Variants in CLCN3 observed in about 807,000 individuals in gnomAD.
The protein encoded by CLCN3 is Cl-/H+ antiporter 3, also known as H(+)/Cl(-) exchange transporter 3.
Under a neutral mutation model 83.4 loss-of-function variants are expected in CLCN3, and 16 were observed. That is an observed-to-expected ratio of 0.19 (90% CI 0.13 to 0.29). The LOEUF is 0.29. Ranked by LOEUF, CLCN3 falls within the 10% of genes least tolerant of loss-of-function variation. The pLI, the probability that CLCN3 is intolerant of heterozygous loss-of-function variation, is 1.00. For missense variants in CLCN3, 544 were observed against 1,006.0 expected, an observed-to-expected ratio of 0.54 and a Z score of 6.21; for synonymous variants, 322 against 346.2, an observed-to-expected ratio of 0.93 and a Z score of 0.78.
intron 9 of CLCN3, among the ~76,000 whole-genome samples, chr4:169,701,216 C>T (rs919498970): frequency 6.6e-6 from 1 of 152,200 alleles, no homozygotes. Flanking sequence ...CTGGATTCTA[C>T]CTCAAGAAAC....
rs1273066699 is a variant in CLCN3, at chr4:169,682,890, AG to A, written c.318+2685del. 5.3e-5 allele frequency among the ~76,000 whole-genome samples: 8 copies of A among 152,320 alleles called. No homozygotes were observed. The East Asian group carries it at 1.5e-3, about 29-fold the overall frequency. On this transcript the variant is annotated intron_variant, in intron 3 of 12. Coordinates refer to ENST00000513761, the MANE Select transcript of CLCN3 (RefSeq NM_001829.4). ...AGTAAAAATGTCAACACAGTGAAAA[AG>A]GCACATAATGTCTTGTATTATTTTG...
rs562963748 is a variant in CLCN3, at chr4:169,690,393, G to A, written c.607-137G>A. On this transcript the variant is annotated intron_variant, in intron 5 of 12. Coordinates refer to ENST00000513761, the MANE Select transcript of CLCN3 (RefSeq NM_001829.4). ...ACTCCTGACCTCAGGTGATCCACCC[G>A]CCTCAACCTCCCCAGTGCTGGGATT... 4,923 of 802,008 alleles carry A rather than the reference G, an allele frequency of 6.1e-3. 92 individuals carry two copies. The highest frequency in any genetic ancestry group is 0.039 in the South Asian group (2,007 of 51,974). 49.7% of individuals were successfully genotyped at this position (802,008 alleles called of 1,614,324 possible).
chr4:169,717,851 A>C lies in CLCN3; in HGVS notation c.2367-2056A>C. On this transcript the variant is annotated intron_variant, in intron 12 of 12. Transcript: ENST00000513761. ...TTAGAGCATCTCGAGCAACTAAAGCAGCACGTCGAACCCTTGGTGATTAGA... is the reference window on the plus strand; with the variant it reads ...TTAGAGCATCTCGAGCAACTAAAGCCGCACGTCGAACCCTTGGTGATTAGA... The C allele has an allele frequency of 1.2e-6, 2 of 1,612,176 alleles. No homozygotes were observed. The highest frequency in any genetic ancestry group is 1.7e-4 in the Middle Eastern group (1 of 6,060).
chr4:169,709,191 T>C (rs1048435390), intron 11 of CLCN3, among the ~76,000 whole-genome samples: 1 of 149,898 alleles, frequency 6.7e-6, no homozygotes, highest in Non-Finnish European at 1.5e-5. Context: ...ATACATATAA[T>C]TGATATATAT....
chr4:169,706,317 A>G (rs535058165), intron 10 of CLCN3, among the ~76,000 whole-genome samples: 1 of 152,186 alleles, frequency 6.6e-6, no homozygotes, highest in African/African-American at 2.4e-5. Context: ...GGCATGAGCC[A>G]CAGTGCCTGG....
intron 2 of CLCN3, among the ~76,000 whole-genome samples, chr4:169,647,936 G>A (rs1730621846): frequency 6.6e-6 from 1 of 152,208 alleles, no homozygotes; most frequent in African/African-American, 2.4e-5. Flanking sequence ...CTCTTGATAT[G>A]TGACAAGAAG....
At chr4:169,691,953 G>A (rs896236710) in intron 6 of CLCN3, among the ~76,000 whole-genome samples, 161 bp from the exon 7 acceptor site, 16 of 152,096 alleles carry the variant, frequency 1.1e-4, no homozygotes, top group Non-Finnish European at 5.9e-5. Context: ...ATTATATGTA[G>A]CATAATAGGC....
chr4:169,697,858 A>T (rs1732627321), intron 9 of CLCN3, 124 bp downstream of exon 9: 17 of 688,082 alleles, frequency 2.5e-5, no homozygotes, highest in Non-Finnish European at 4.2e-5. Context: ...GTTTAATTTT[A>T]AGTAATGAAA....
In CLCN3 at chr4:169,713,302, C is replaced by G; in HGVS notation, c.2366+7C>G. On this transcript the variant is annotated splice_region_variant and intron_variant, in intron 12 of 12. Transcript: ENST00000513761. ...GCCTTGTAACTCACAATGGGTAAGT[C>G]TGGTACCACAGGAATCAGTTCACTT... 6.3e-7 allele frequency: 1 copy of G among 1,595,296 alleles called. No homozygotes were observed. The highest frequency in any genetic ancestry group is 1.7e-5 in the Admixed American group (1 of 59,982).
rs1391005226 is a variant in CLCN3, at chr4:169,620,799, C to CT, written c.-280dup. The CT allele has an allele frequency of 2.5e-6, 1 of 398,552 alleles. No homozygotes were observed. Among genetic ancestry groups the CT allele is most frequent in the Admixed American group, 4.4e-5 (1 of 22,716 alleles). 24.7% of individuals were successfully genotyped at this position (398,552 alleles called of 1,614,324 possible). A position where few individuals can be genotyped will look rare whatever the true frequency, so the allele number is the denominator to read the frequency against. On this transcript the variant is annotated 5_prime_UTR_variant, in exon 1 of 13. Transcript: ENST00000513761. ...TTAATTTTGGGCAGAAGCAGGTTGA[C>CT]TCTAGGGATCTCCAGAGCGAGAGGA...
At chr4:169,691,738 A>T (rs1233362480) in intron 6 of CLCN3, among the ~76,000 whole-genome samples, 1 of 152,224 alleles carries the variant, frequency 6.6e-6, no homozygotes, top group Non-Finnish European at 1.5e-5. Flanking sequence ...TATTTCTAAC[A>T]TAATGTCCAA....
intron 2 of CLCN3, among the ~76,000 whole-genome samples, chr4:169,668,730 A>ATTTT (rs538629875): frequency 2.8e-5 from 4 of 141,738 alleles, no homozygotes; most frequent in Admixed American, 7.1e-5. Flanking sequence ...AAAGTTTTTG[A>ATTTT]TTTTTTTTTT....
chr4:169,697,335 T>G lies in CLCN3; in HGVS notation c.1164T>G (p.Phe388Leu). 6.2e-7 allele frequency: 1 copy of G among 1,614,196 alleles called. No individual in the cohort carries two copies. Residue 388 changes from phenylalanine (F) to leucine (L), a missense_variant, in exon 9 of 13, where the codon TTT becomes TTG. Physicochemically the swap from Phe to Leu is conservative, Grantham distance 22. Transcript: ENST00000513761. ...AGTATCATACACCATGGTACCTTTT[T>G]GAACTGTTTCCTTTTATTCTTCTAG... Reference protein sequence around the residue: ...YVEYHTPWYLFELFPFILLGV... With the variant: ...YVEYHTPWYLLELFPFILLGV...
chr4:169,680,344 A>G, intron 3 of CLCN3, 137 bp downstream of exon 3: 4 of 641,698 alleles, frequency 6.2e-6, no homozygotes, highest in South Asian at 2.6e-5. Context: ...TATGTGGTAC[A>G]TGTTTTTTTC....
At chr4:169,672,942 C>T (rs11946404) in intron 2 of CLCN3, among the ~76,000 whole-genome samples, 15 of 152,138 alleles carry the variant, frequency 9.9e-5, no homozygotes, top group African/African-American at 3.1e-4. Context: ...GGATTACAAG[C>T]GGGAGCCACC....
At chr4:169,641,490 A>G (rs369792571) in intron 2 of CLCN3, among the ~76,000 whole-genome samples, 150 of 152,320 alleles carry the variant, frequency 9.8e-4, no homozygotes, top group African/African-American at 3.3e-3. Context: ...TTGTGATCCT[A>G]CCACCTGTGC....
chr4:169,636,131 C>A (rs758508482), intron 2 of CLCN3, 43 bp downstream of exon 2: 1 of 1,525,392 alleles, frequency 6.6e-7, no homozygotes, highest in Non-Finnish European at 8.9e-7. Context: ...TCATGAATAT[C>A]CACTAATAAA....
intron 6 of CLCN3, among the ~76,000 whole-genome samples, chr4:169,691,507 G>A (rs1732370863): frequency 6.6e-6 from 1 of 152,036 alleles, no homozygotes; most frequent in South Asian, 2.1e-4. Context: ...AACTTGATTT[G>A]AACTTATCTC....
At chr4:169,708,462 A>G (rs941299239) in intron 11 of CLCN3, among the ~76,000 whole-genome samples, 10 of 152,184 alleles carry the variant, frequency 6.6e-5, no homozygotes, top group African/African-American at 2.4e-4. Context: ...AGCTGATGAC[A>G]TAGTATTTTG....
Sources: allele counts gnomAD v4.1 joint callset (sites outside exome capture counted in the v4.1 genomes callset), GRCh38; gene constraint gnomAD v4.1.1; transcripts MANE v1.5; gene names NCBI Gene and HGNC (gene_info 2026-07-23, HGNC 2026-07-21).